Variants in B3GALT5 observed in about 807,000 individuals in gnomAD.
B3GALT5 encodes the protein beta-1,3-galactosyltransferase 5, also known as UDP-Gal:betaGlcNAc beta 1,3-galactosyltransferase, polypeptide 5.
For missense variants in B3GALT5, 328 were observed against 396.6 expected (o/e 0.83, Z 1.47); for synonymous variants, 156 against 158.6 (o/e 0.98, Z 0.12).
intron 1 of B3GALT5, among the ~76,000 whole-genome samples, chr21:39,642,052 C>G (rs2079294265): frequency 6.6e-6 from 1 of 152,214 alleles, no homozygotes; most frequent in Non-Finnish European, 1.5e-5. Context: ...CTTGTCTGTC[C>G]TGTAGTACCT....
At chr21:39,636,441 C>T (rs574317190) in intron 1 of B3GALT5, among the ~76,000 whole-genome samples, 31 of 152,142 alleles carry the variant, frequency 2.0e-4, no homozygotes, top group East Asian at 9.7e-4. Context: ...AGAGAAACCC[C>T]GACGCCTTTC....
chr21:39,652,155 T>TGGG (rs1179768561), intron 2 of B3GALT5, among the ~76,000 whole-genome samples: 102 of 152,338 alleles, frequency 6.7e-4, no homozygotes, highest in African/African-American at 2.4e-3. Flanking sequence ...AGCTGGGTTC[T>TGGG]CACTGCAGGT....
chr21:39,639,546 C>T (rs572552137), intron 1 of B3GALT5, among the ~76,000 whole-genome samples: 41 of 150,280 alleles, frequency 2.7e-4, no homozygotes, highest in Non-Finnish European at 4.6e-4. Context: ...GTGGCGCGAT[C>T]TCTGCTCACT....
chr21:39,633,442 C>T (rs78279552), intron 1 of B3GALT5, among the ~76,000 whole-genome samples: 1 of 152,156 alleles, frequency 6.6e-6, no homozygotes, highest in African/African-American at 2.4e-5. Context: ...AGTCCTGAAC[C>T]ACCATCTGGG....
intron 1 of B3GALT5, among the ~76,000 whole-genome samples, chr21:39,629,260 C>G (rs947684995): frequency 6.6e-6 from 1 of 152,230 alleles, no homozygotes; most frequent in East Asian, 1.9e-4. Context: ...AGTGATCTGC[C>G]CGCCTCAGCC....
intron 1 of B3GALT5, among the ~76,000 whole-genome samples, chr21:39,623,046 A>G (rs1569206469): frequency 6.6e-6 from 1 of 151,468 alleles, no homozygotes; most frequent in South Asian, 2.1e-4. Flanking sequence ...GAACTTGTAA[A>G]TTTTCTTTTC....
chr21:39,638,447 G>A (rs141152828), intron 1 of B3GALT5, among the ~76,000 whole-genome samples: 68 of 152,288 alleles, frequency 4.5e-4, no homozygotes, highest in African/African-American at 1.5e-3. Flanking sequence ...TAGGGCAGTC[G>A]GGGGAGAGCC....
chr21:39,625,196 G>T (rs973505393), intron 1 of B3GALT5, among the ~76,000 whole-genome samples: 5 of 152,178 alleles, frequency 3.3e-5, no homozygotes, highest in Non-Finnish European at 7.3e-5. Context: ...GGGGTTTGTC[G>T]CATGTTATTC....
intron 1 of B3GALT5, among the ~76,000 whole-genome samples, chr21:39,639,515 T>C (rs1216574779): frequency 1.3e-5 from 2 of 149,456 alleles, no homozygotes; most frequent in African/African-American, 5.0e-5. Flanking sequence ...AGACTCCCTC[T>C]GTCACCCAGG....
At chr21:39,643,178 G>A (rs1013483431) in intron 1 of B3GALT5, among the ~76,000 whole-genome samples, 3 of 152,144 alleles carry the variant, frequency 2.0e-5, no homozygotes, top group South Asian at 2.1e-4. Context: ...GGCCATTGGC[G>A]AGGGCCTTGT....
chr21:39,635,161 C>T (rs533677765), intron 1 of B3GALT5, among the ~76,000 whole-genome samples: 1 of 152,188 alleles, frequency 6.6e-6, no homozygotes, highest in African/African-American at 2.4e-5. Context: ...CTGCGGGACC[C>T]GTGTTGATAT....
In B3GALT5 at chr21:39,616,252, A is replaced by G. The variant is rs1332213949; in HGVS notation, c.-392+3185A>G. ...CCTCAGTGTTCCTATTCACGTTTGC[A>G]ATGCTCTCTCTCTTTTTCTTACTGT... On this transcript the variant is annotated intron_variant, in intron 1 of 3. Transcript: ENST00000684187. Among the ~76,000 whole-genome samples the G allele has an allele frequency of 2.0e-5, 3 of 152,238 alleles. No homozygotes were observed. In the East Asian group the frequency reaches 5.8e-4, roughly 29 times the overall value.
chr21:39,638,173 G>A (rs895723014), intron 1 of B3GALT5, among the ~76,000 whole-genome samples: 7 of 152,144 alleles, frequency 4.6e-5, no homozygotes, highest in Admixed American at 2.6e-4. Flanking sequence ...CTGTGCCCAC[G>A]AACCTAGGTG....
rs1458756462 is a variant in B3GALT5 at position 39,670,683 on chromosome 21, A to T, written c.*9191A>T. 1 of 152,094 alleles carries T rather than the reference A, an allele frequency of 6.6e-6. No homozygotes were observed. Among genetic ancestry groups the T allele is most frequent in the East Asian group, 1.9e-4 (1 of 5,184 alleles). 9.4% of individuals were successfully genotyped at this position (152,094 alleles called of 1,614,324 possible). On this transcript the variant is annotated 3_prime_UTR_variant, in exon 4 of 4. Transcript: ENST00000684187. Reference sequence around the variant, plus strand: ...TCTACGTGTTTTTTTTACAGGCAAGAACTGAGGAGGCAATACTATTTAGAA... The same window carrying T: ...TCTACGTGTTTTTTTTACAGGCAAGTACTGAGGAGGCAATACTATTTAGAA...
At chr21:39,623,275 C>T (rs1368038143) in intron 1 of B3GALT5, among the ~76,000 whole-genome samples, 4 of 131,652 alleles carry the variant, frequency 3.0e-5, no homozygotes, top group African/African-American at 5.8e-5. Flanking sequence ...TCCTTCCTTC[C>T]TTCCTTCCTT....
chr21:39,632,820 A>C (rs912990272), intron 1 of B3GALT5, among the ~76,000 whole-genome samples: 2 of 152,200 alleles, frequency 1.3e-5, no homozygotes, highest in African/African-American at 4.8e-5. Context: ...GGAATGAGCC[A>C]AGAGGGATGG....
chr21:39,644,155 CTGCATTTGTACA>C (rs1320116816), intron 1 of B3GALT5, among the ~76,000 whole-genome samples: 1 of 152,050 alleles, frequency 6.6e-6, no homozygotes, highest in African/African-American at 2.4e-5. Context: ...CTCGGTGAAT[CTGCATTTGTACA>C]TAAGGTAACG....
Position 39,672,309 on chromosome 21 carries a change from A to G in B3GALT5, c.*10817A>G, listed in dbSNP as rs1437952220. On this transcript the variant is annotated 3_prime_UTR_variant, in exon 4 of 4. Coordinates refer to ENST00000684187, the MANE Select transcript of B3GALT5 (RefSeq NM_001356336.2). ...CTCCAGAGAGTATCAGATGGGAAAT[A>G]GATGACTTGTTTTACCTGGTCAAAT... 1 of 152,216 alleles carries G rather than the reference A, an allele frequency of 6.6e-6. No homozygotes were observed. The highest frequency in any genetic ancestry group is 6.5e-5 in the Admixed American group (1 of 15,282). 9.4% of individuals were successfully genotyped at this position (152,216 alleles called of 1,614,324 possible).
intron 1 of B3GALT5, among the ~76,000 whole-genome samples, chr21:39,639,292 T>TTCTTTCTTTCTTTCTTTCTC (rs1569211967): frequency 6.4e-5 from 3 of 47,240 alleles, no homozygotes; most frequent in African/African-American, 2.6e-4. Flanking sequence ...ATCTGGCTCT[T>TTCTTTCTTTCTTTCTTTCTC]TCTTTCTTTC....
Sources: allele counts gnomAD v4.1 joint callset (sites outside exome capture counted in the v4.1 genomes callset), GRCh38; gene constraint gnomAD v4.1.1; transcripts MANE v1.5; gene names NCBI Gene and HGNC (gene_info 2026-07-23, HGNC 2026-07-21).